PRUNE2: variants seen among roughly 807,000 people sequenced by gnomAD.
PRUNE2 encodes the protein prune homolog 2 with BCH domain.
PRUNE2 carries 164 observed loss-of-function variants against 252.0 expected under a neutral mutation model. The observed-to-expected ratio is 0.65, with a 90% CI of 0.57 to 0.74. The LOEUF is 0.74. PRUNE2 is among the 30% of genes least tolerant of loss of function. The probability of loss-of-function intolerance (pLI) is 0.00; values close to 1 mark genes in which losing one functional copy is unlikely to be tolerated. For missense variants in PRUNE2, 3,495 were observed against 3,711.0 expected (o/e 0.94, Z 1.51); for synonymous variants, 1,292 against 1,350.2 (o/e 0.96, Z 0.94).
At chr9:76,731,286 CTA>C (rs2048552646) in intron 6 of PRUNE2, among the ~76,000 whole-genome samples, 7 of 74,880 alleles carry the variant, frequency 9.3e-5, no homozygotes, top group African/African-American at 3.9e-4. Context: ...CTCTCTCTAT[CTA>C]TCTATCTATC....
chr9:76,641,276 CA>C (rs1564418239), intron 12 of PRUNE2, among the ~76,000 whole-genome samples: 1 of 151,432 alleles, frequency 6.6e-6, no homozygotes, highest in Non-Finnish European at 1.5e-5. Flanking sequence ...GAAGAAGAGG[CA>C]AAAAGAGCAG....
intron 9 of PRUNE2, among the ~76,000 whole-genome samples, chr9:76,680,968 C>A (rs1483625194): frequency 6.6e-6 from 1 of 152,040 alleles, no homozygotes; most frequent in African/African-American, 2.4e-5. Context: ...GCACCTCCCC[C>A]AACACATGGA....
At chr9:76,732,096 C>T (rs1227352172) in intron 6 of PRUNE2, among the ~76,000 whole-genome samples, 5 of 152,014 alleles carry the variant, frequency 3.3e-5, no homozygotes, top group African/African-American at 1.2e-4. Context: ...GGGTGGATCA[C>T]GAGGTCAGGA....
chr9:76,840,457 C>G (rs891998205), intron 4 of PRUNE2, among the ~76,000 whole-genome samples: 11 of 152,142 alleles, frequency 7.2e-5, no homozygotes, highest in African/African-American at 2.4e-4. Flanking sequence ...AAAGTACAAT[C>G]AAATTGATGA....
intron 9 of PRUNE2, among the ~76,000 whole-genome samples, chr9:76,684,877 G>A (rs375607609): frequency 3.9e-5 from 6 of 152,176 alleles, no homozygotes; most frequent in Non-Finnish European, 8.8e-5. Flanking sequence ...TCAGCCTCCC[G>A]AGTAGCTGGG....
intron 1 of PRUNE2, among the ~76,000 whole-genome samples, chr9:76,900,369 T>TAG (rs1369106977): frequency 6.6e-6 from 1 of 152,182 alleles, no homozygotes; most frequent in Non-Finnish European, 1.5e-5. Context: ...CAGGGTGATC[T>TAG]AGAGCCCACT....
rs112894165 is a variant in PRUNE2, at chr9:76,804,299, C to G, written c.756+19333G>C. 3.5e-3 allele frequency among the ~76,000 whole-genome samples: 529 copies of G among 152,326 alleles called. 4 individuals carry two copies. Among genetic ancestry groups the G allele is most frequent in the African/African-American group, 0.012 (507 of 41,564 alleles). On this transcript the variant is annotated intron_variant, in intron 6 of 18. Transcript: ENST00000376718. ...GCTTTCCAAACTATTGCCCAGGCTT[C>G]GGTTGACCGATTGATGCCCCCGCCC...
intron 1 of PRUNE2, chr9:76,856,374 T>C (rs1241000218): frequency 6.6e-6 from 1 of 152,198 alleles, no homozygotes; most frequent in Admixed American, 6.5e-5. Flanking sequence ...GCTGACCTAT[T>C]TGCTTCTTGT....
intron 6 of PRUNE2, chr9:76,738,223 C>T (rs1425899298): frequency 6.6e-6 from 1 of 152,188 alleles, no homozygotes; most frequent in Non-Finnish European, 1.5e-5. Context: ...AAGGCGTAAA[C>T]ATTAGCGAGC....
chr9:76,619,094 C>T (rs1830969269), intron 18 of PRUNE2, among the ~76,000 whole-genome samples: 1 of 152,184 alleles, frequency 6.6e-6, no homozygotes. Flanking sequence ...ATTTTCTTCC[C>T]ATTTTTGGAT....
intron 6 of PRUNE2, among the ~76,000 whole-genome samples, chr9:76,753,859 A>G (rs1381620155): frequency 7.9e-6 from 1 of 126,218 alleles, no homozygotes; most frequent in Non-Finnish European, 1.8e-5. Flanking sequence ...CGGAGCTTGC[A>G]GTGAGCTGAG....
intron 11 of PRUNE2, among the ~76,000 whole-genome samples, chr9:76,648,981 A>G (rs1267016588): frequency 6.6e-6 from 1 of 152,182 alleles, no homozygotes; most frequent in African/African-American, 2.4e-5. Flanking sequence ...GGTGATAATG[A>G]TGTGTCAATG....
chr9:76,739,445 G>A (rs1357907557), intron 6 of PRUNE2: 1 of 151,992 alleles, frequency 6.6e-6, no homozygotes. Context: ...AAAAGAATGG[G>A]GTTGGCAAGC....
intron 6 of PRUNE2, among the ~76,000 whole-genome samples, chr9:76,744,040 T>G (rs2049886654): frequency 6.6e-6 from 1 of 152,210 alleles, no homozygotes; most frequent in Non-Finnish European, 1.5e-5. Flanking sequence ...TTTGTCTAAG[T>G]GCACTAATAA....
intron 18 of PRUNE2, among the ~76,000 whole-genome samples, chr9:76,615,941 TTG>T (rs748751618): frequency 1.3e-4 from 20 of 151,982 alleles, no homozygotes; most frequent in Non-Finnish European, 2.2e-4. Flanking sequence ...AGATAATTTT[TTG>T]TGTTTTTAGC....
chr9:76,651,062 T>C (rs1588158142), intron 11 of PRUNE2, among the ~76,000 whole-genome samples: 1 of 152,250 alleles, frequency 6.6e-6, no homozygotes, highest in East Asian at 1.9e-4. Context: ...TTCCAGACCT[T>C]CTTTCACCTC....
At chr9:76,873,560 T>C (rs2133125953) in intron 1 of PRUNE2, among the ~76,000 whole-genome samples, 1 of 152,284 alleles carries the variant, frequency 6.6e-6, no homozygotes, top group East Asian at 1.9e-4. Context: ...GCCAGAGAGC[T>C]CTATTGTGTG....
intron 15 of PRUNE2, among the ~76,000 whole-genome samples, chr9:76,630,231 C>CTT (rs58831160): frequency 7.6e-5 from 10 of 131,884 alleles, no homozygotes; most frequent in African/African-American, 1.1e-4. Flanking sequence ...ACTCATTTTT[C>CTT]TTTTTTTTTT....
intron 5 of PRUNE2, among the ~76,000 whole-genome samples, chr9:76,825,003 G>T (rs988260380): frequency 2.0e-5 from 3 of 152,110 alleles, no homozygotes; most frequent in Non-Finnish European, 4.4e-5. Context: ...AGGTGCAATG[G>T]ACGCTGCAAA....
Sources: allele counts gnomAD v4.1 joint callset (sites outside exome capture counted in the v4.1 genomes callset), GRCh38; gene constraint gnomAD v4.1.1; transcripts MANE v1.5; gene names NCBI Gene and HGNC (gene_info 2026-07-23, HGNC 2026-07-21).